UQCRC1: variants seen among roughly 807,000 people sequenced by gnomAD.
UQCRC1 encodes ubiquinol-cytochrome c reductase core protein 1, also known as cytochrome b-c1 complex subunit 1, mitochondrial.
Under a neutral mutation model 58.0 loss-of-function variants are expected in UQCRC1, and 34 were observed. That is an observed-to-expected ratio of 0.59 (90% confidence interval 0.45 to 0.78). The LOEUF (loss-of-function observed/expected upper bound fraction) is 0.78, where lower values mean the gene tolerates loss of function less well. UQCRC1 is among the 30% of genes least tolerant of loss of function. The pLI, the probability that UQCRC1 is intolerant of heterozygous loss-of-function variation, is 0.00. For synonymous variants in UQCRC1, 276 were observed against 248.8 expected (o/e 1.11, Z -1.03); for missense variants, 610 against 646.0 (o/e 0.94, Z 0.60).
In UQCRC1 at chr3:48,604,705, T is replaced by C. The variant is rs2046396480; in HGVS notation, c.373A>G (p.Thr125Ala). The change falls in exon 4 of 13, where the codon ACC (threonine) becomes GCC (alanine). Residue 125 changes from threonine (T) to alanine (A), a missense_variant. By Grantham distance (58) the Thr-to-Ala change is moderately conservative (BLOSUM62 0). Transcript: ENST00000203407. ...ATGTAGTAAGCTGTGTGCTCCCGGG[T>C]GCTGTAGGCATTAAGATGGGCCCCC... The part of the protein sequence containing the change: ...SMGAHLNAYS[T>A]REHTAYYIKA... The C allele has an allele frequency of 1.9e-6, 3 of 1,614,146 alleles. No homozygotes were observed. The highest frequency in any genetic ancestry group is 2.5e-6 in the Non-Finnish European group (3 of 1,180,016).
At position 48,603,608 on chromosome 3, in the gene UQCRC1, C is replaced by T. The variant is rs374960172; in HGVS notation, c.662G>A (p.Ser221Asn). ...LSRADLTEYL[S>N]THYKAPRMVL... ...CATTCGAGGGGCCTTGTAATGTGTGCTGAGGTACTCGGTCAAGTCTGCACG... is the reference window on the plus strand; with the variant it reads ...CATTCGAGGGGCCTTGTAATGTGTGTTGAGGTACTCGGTCAAGTCTGCACG... The change falls in exon 6 of 13, where the codon AGC (serine) becomes AAC (asparagine). Residue 221 changes from serine to asparagine, a missense_variant. Transcript: ENST00000203407. 20 of 1,613,906 alleles carry T rather than the reference C, an allele frequency of 1.2e-5. No homozygotes were observed. The Admixed American group carries it at 2.2e-4, about 17-fold the overall frequency.
chr3:48,609,375 ACCCCCG>A, intron 1 of UQCRC1, 73 bp from the exon 2 acceptor site: 1 of 1,541,448 alleles, frequency 6.5e-7, no homozygotes. Context: ...CCTCAGGAGG[ACCCCCG>A]AACCCCGCCC....
intron 7 of UQCRC1, 107 bp from the exon 8 acceptor site, chr3:48,601,225 A>C (rs1351416276): frequency 1.3e-6 from 2 of 1,532,598 alleles, no homozygotes; most frequent in African/African-American, 2.7e-5. Flanking sequence ...TGTGCCTGTG[A>C]TGCAGCAGCC....
intron 3 of UQCRC1, 84 bp downstream of exon 3, chr3:48,605,686 T>C (rs2046405079): frequency 2.2e-6 from 3 of 1,383,794 alleles, no homozygotes; most frequent in Non-Finnish European, 3.0e-6. Context: ...AGGCCCATAA[T>C]CAGGCTAATT....
chr3:48,601,265 C>T, intron 7 of UQCRC1, 87 bp downstream of exon 7: 1 of 1,560,378 alleles, frequency 6.4e-7, no homozygotes, highest in Non-Finnish European at 8.7e-7. Context: ...GCTGAGGTAT[C>T]TCTGGAGTCA....
At chr3:48,600,892 T>A in intron 8 of UQCRC1, 52 bp from the exon 9 acceptor site, 2 of 1,612,002 alleles carry the variant, frequency 1.2e-6, no homozygotes, top group Non-Finnish European at 1.7e-6. Flanking sequence ...CAACGCACAC[T>A]GTGACCCCCA....
Position 48,601,102 on chromosome 3 carries a change from TC to T in UQCRC1, c.838del (p.Asp280MetfsTer12), listed in dbSNP as rs1389819792. 1 of 1,602,120 alleles carries T rather than the reference TC, an allele frequency of 6.2e-7. No homozygotes were observed. Among genetic ancestry groups the T allele is most frequent in the African/African-American group, 1.3e-5 (1 of 74,624 alleles). On this transcript the variant is annotated frameshift_variant, in exon 8 of 13. Transcript: ENST00000203407. LOFTEE classifies it high-confidence loss of function. The stretch of plus-strand genomic sequence containing the variant: ...GGCCACGTGGGCAAAAGGTAGAGCA[TC>T]ATCACGGTGGCGGATCTGAAACAGT... ...FTGSEIRHRD[D>X]ALPFAHVAIA...
chr3:48,607,653 G>T (rs2046426468), intron 2 of UQCRC1, among the ~76,000 whole-genome samples: 2 of 151,326 alleles, frequency 1.3e-5, no homozygotes. Context: ...CTTATTCCTG[G>T]GCTCAATCGA....
intron 3 of UQCRC1, among the ~76,000 whole-genome samples, chr3:48,605,366 A>G (rs1360756157): frequency 1.3e-5 from 2 of 152,156 alleles, no homozygotes; most frequent in African/African-American, 4.8e-5. Context: ...ATCCTTCTCC[A>G]TGTTTTTCAT....
At chr3:48,604,457 G>A (rs369138486) in intron 4 of UQCRC1, 26 bp from the exon 5 acceptor site, 45 of 1,610,998 alleles carry the variant, frequency 2.8e-5, no homozygotes, top group Middle Eastern at 1.7e-4. Context: ...ACATGTTTAG[G>A]TGCCAGGTGG....
rs149981544 is a variant in UQCRC1, at chr3:48,609,267, C to G, written c.105G>C (p.Thr35=). ...ACTGGAGCGCCTGAGCGAAGGTTGC[C>G]GTACTCCGCAAGGCTGGCGTCCGCA... ...ALLRTPALRS[T]ATFAQALQFV... is the part of the protein sequence containing the mutation. The change falls in exon 2 of 13, where the codon ACG becomes ACC. Residue 35 remains threonine (T), a synonymous_variant. Coordinates refer to ENST00000203407, the MANE Select transcript of UQCRC1 (RefSeq NM_003365.3). 5.9e-5 allele frequency: 95 copies of G among 1,611,014 alleles called. No individual in the cohort carries two copies. The highest frequency in any genetic ancestry group is 5.0e-4 in the Middle Eastern group (3 of 6,024).
chr3:48,604,713 G>A lies in UQCRC1; in HGVS notation c.365C>T (p.Ala122Val). 1 of 1,614,150 alleles carries A rather than the reference G, an allele frequency of 6.2e-7. No homozygotes were observed. Among genetic ancestry groups the A allele is most frequent in the Non-Finnish European group, 8.5e-7 (1 of 1,180,030 alleles). ...AGCTGTGTGCTCCCGGGTGCTGTAG[G>A]CATTAAGATGGGCCCCCATGCTCTC... ...EVESMGAHLNAYSTREHTAYY... is the reference protein window; with the variant it reads ...EVESMGAHLNVYSTREHTAYY... The change falls in exon 4 of 13, where the codon GCC becomes GTC. Residue 122 changes from alanine (A) to valine (V), a missense_variant. Transcript: ENST00000203407.
At chr3:48,606,885 T>C (rs905669186) in intron 2 of UQCRC1, among the ~76,000 whole-genome samples, 2 of 151,936 alleles carry the variant, frequency 1.3e-5, no homozygotes, top group African/African-American at 2.4e-5. Context: ...TTTTTTGACA[T>C]GGAGTCTCAC....
rs2046446988 is a variant in UQCRC1, at chr3:48,609,597, C to A, written c.24G>T (p.Arg8=). The stretch of plus-strand genomic sequence containing the variant: ...GCACTTGTGCCCCGGCGGTAGCGGC[C>A]CGACAGACCACGGACGCCGCCATCT... MAASVVC[R]AATAGAQVLL... Residue 8 remains arginine (R), a synonymous_variant, in exon 1 of 13, where the codon CGG becomes CGT. Coordinates refer to ENST00000203407, the MANE Select transcript of UQCRC1 (RefSeq NM_003365.3). 1.3e-6 allele frequency: 2 copies of A among 1,571,112 alleles called. No individual in the cohort carries two copies. Among genetic ancestry groups the A allele is most frequent in the South Asian group, 2.3e-5 (2 of 87,032 alleles).
intron 1 of UQCRC1, 99 bp downstream of exon 1, chr3:48,609,453 C>T: frequency 2.0e-6 from 3 of 1,521,320 alleles, no homozygotes; most frequent in South Asian, 2.4e-5. Context: ...GGCCCTGACC[C>T]CGCGTCCTCC....
chr3:48,601,804 C>T (rs1473881616), intron 6 of UQCRC1, among the ~76,000 whole-genome samples: 1 of 152,204 alleles, frequency 6.6e-6, no homozygotes, highest in Admixed American at 6.5e-5. Context: ...TACTCCTGGG[C>T]ACAAAGCCAC....
intron 2 of UQCRC1, among the ~76,000 whole-genome samples, chr3:48,608,819 G>T (rs1276064678): frequency 6.6e-6 from 1 of 152,202 alleles, no homozygotes; most frequent in Non-Finnish European, 1.5e-5. Flanking sequence ...GACAGACCTG[G>T]ACCCCTGCAA....
chr3:48,602,228 T>C (rs2046372742), intron 6 of UQCRC1, among the ~76,000 whole-genome samples: 1 of 152,026 alleles, frequency 6.6e-6, no homozygotes, highest in Non-Finnish European at 1.5e-5. Context: ...TTTTTTTGTA[T>C]TTTCAGTAGA....
chr3:48,606,984 G>A (rs778981339), intron 2 of UQCRC1, among the ~76,000 whole-genome samples: 4 of 150,824 alleles, frequency 2.7e-5, no homozygotes, highest in Non-Finnish European at 4.4e-5. Context: ...TCAGCCTCCC[G>A]AGTAGCTGGA....
Sources: gnomAD v4.1 joint callset for allele counts (sites outside exome capture counted in the v4.1 genomes callset) on GRCh38, gnomAD v4.1.1 for gene constraint, MANE v1.5 for transcripts, NCBI Gene and HGNC (gene_info 2026-07-23, HGNC 2026-07-21) for gene names.